The following WASHC2A variants were observed in gnomAD, a reference collection of about 807,000 sequenced individuals.
WASHC2A encodes the protein WASH complex subunit FAM21A.
A neutral mutation model predicts 140.3 loss-of-function variants in WASHC2A; 82 were observed. That is an observed-to-expected ratio of 0.58 (90% CI 0.49 to 0.70). The LOEUF is 0.70. Ranked by LOEUF, WASHC2A falls within the 30% of genes least tolerant of loss-of-function variation. WASHC2A has a pLI of 0.00. For synonymous variants in WASHC2A, 340 were observed against 560.8 expected (o/e 0.61, Z 5.56); for missense variants, 985 against 1,521.8 (o/e 0.65, Z 5.87).
At chr10:50,131,974 T>C (rs1844015165) in intron 30 of WASHC2A, among the ~76,000 whole-genome samples, 1 of 152,274 alleles carries the variant, frequency 6.6e-6, no homozygotes, top group South Asian at 2.1e-4. Flanking sequence ...CACAGTGATA[T>C]TAATATATGT....
At position 50,069,638 on chromosome 10, in the gene WASHC2A, A is replaced by G. The variant is rs1837617344; in HGVS notation, c.218A>G (p.Lys73Arg). 1.9e-6 allele frequency: 3 copies of G among 1,613,990 alleles called. No homozygotes were observed. Among genetic ancestry groups the G allele is most frequent in the Non-Finnish European group, 2.5e-6 (3 of 1,179,862 alleles). ...KQVDGLIRET[K>R]ATDCRLHNVF... ...GTGGACGGACTAATTCGGGAAACCA[A>G]AGCCACAGATTGTCGCCTGCATAAT... The change falls in exon 3 of 31, where the codon AAA (lysine) becomes AGA (arginine). Residue 73 changes from lysine to arginine, a missense_variant. Lys to Arg is a conservative substitution (Grantham distance 26). Transcript: ENST00000282633.
chr10:50,126,966 C>T lies in WASHC2A; in HGVS notation c.2812-194C>T, dbSNP rs1484409434. ...ATCTGATCTGGCAGCTTTCCACTTA[C>T]GTGACAGAGGAGGAGGCATACGTGA... On this transcript the variant is annotated intron_variant, in intron 26 of 30. Transcript: ENST00000282633. Among the ~76,000 whole-genome samples, 208 of 151,924 alleles carry T rather than the reference C, an allele frequency of 1.4e-3. 1 individual carries two copies. The highest frequency in any genetic ancestry group is 1.8e-3 in the Admixed American group (27 of 15,246).
intron 19 of WASHC2A, among the ~76,000 whole-genome samples, chr10:50,109,067 C>G (rs1842039100): frequency 6.6e-6 from 1 of 151,490 alleles, no homozygotes; most frequent in Non-Finnish European, 1.5e-5. Context: ...CTCAAACCTT[C>G]ATGTTTAGGA....
intron 10 of WASHC2A, 140 bp downstream of exon 10, chr10:50,091,658 T>C (rs1839940516): frequency 2.0e-6 from 2 of 993,162 alleles, no homozygotes; most frequent in African/African-American, 3.3e-5. Context: ...ATTTAAATTG[T>C]AGCGCTTATT....
At chr10:50,086,190 G>C (rs1401033825) in intron 7 of WASHC2A, among the ~76,000 whole-genome samples, 1 of 151,492 alleles carries the variant, frequency 6.6e-6, no homozygotes, top group African/African-American at 2.4e-5. Context: ...ACAGTGTTGT[G>C]TATGTGCTTT....
intron 8 of WASHC2A, among the ~76,000 whole-genome samples, chr10:50,088,542 G>A (rs1554881735): frequency 1.3e-5 from 2 of 151,730 alleles, no homozygotes; most frequent in Admixed American, 6.6e-5. Context: ...TTACAGGTAT[G>A]AGCCACCACG....
At chr10:50,104,608 C>G (rs1450292649) in intron 18 of WASHC2A, among the ~76,000 whole-genome samples, 1 of 152,090 alleles carries the variant, frequency 6.6e-6, no homozygotes, top group African/African-American at 2.4e-5. Context: ...CCGCCTGCCT[C>G]GGCCTCCCTA....
intron 30 of WASHC2A, among the ~76,000 whole-genome samples, chr10:50,132,516 G>C (rs1389313549): frequency 6.6e-6 from 1 of 152,254 alleles, no homozygotes; most frequent in African/African-American, 2.4e-5. Flanking sequence ...AGGGGCGTGG[G>C]CTGGTTTGGA....
chr10:50,125,547 T>C, intron 25 of WASHC2A, 98 bp downstream of exon 25: 1 of 1,608,148 alleles, frequency 6.2e-7, no homozygotes, highest in Non-Finnish European at 8.5e-7. Flanking sequence ...CCTAGGAGAG[T>C]CGTGCTGCTT....
At position 50,097,819 on chromosome 10, in the gene WASHC2A, A is replaced by C. The variant is rs1840634221; in HGVS notation, c.1548+17A>C. The C allele has an allele frequency of 1.9e-6, 3 of 1,611,188 alleles. No homozygotes were observed. In the Admixed American group the frequency reaches 5.0e-5, roughly 27 times the overall value. On this transcript the variant is annotated intron_variant, in intron 16 of 30. Coordinates refer to ENST00000282633, the MANE Select transcript of WASHC2A (RefSeq NM_001005751.3). ...GAAAAAAAGGTGAGCAGGAGGGAAG[A>C]CTTAACGCAGGAGCATTGATCTGCC...
chr10:50,102,572 G>A (rs1589229334), intron 17 of WASHC2A, among the ~76,000 whole-genome samples: 1 of 151,564 alleles, frequency 6.6e-6, no homozygotes, highest in Non-Finnish European at 1.5e-5. Context: ...ATGGGACTCC[G>A]GGGAGCACAG....
At chr10:50,125,913 G>A (rs1306261935) in intron 25 of WASHC2A, 144 bp from the exon 26 acceptor site, 3 of 929,272 alleles carry the variant, frequency 3.2e-6, no homozygotes, top group Non-Finnish European at 3.2e-6. Flanking sequence ...TGCTATTTCT[G>A]AAATGCTACC....
chr10:50,114,480 T>TA (rs545033394), intron 21 of WASHC2A, among the ~76,000 whole-genome samples: 75 of 108,356 alleles, frequency 6.9e-4, no homozygotes, highest in African/African-American at 1.6e-3. Flanking sequence ...TATACAGTGG[T>TA]AAAAAAAACC....
intron 13 of WASHC2A, 81 bp from the exon 14 acceptor site, chr10:50,095,067 C>T (rs1840339950): frequency 3.1e-6 from 5 of 1,603,826 alleles, no homozygotes; most frequent in South Asian, 2.2e-5. Context: ...CTGTGTTTTA[C>T]ATCGCACGTA....
At chr10:50,092,371 C>T (rs1554883119) in intron 11 of WASHC2A, 138 bp downstream of exon 11, 1 of 1,527,494 alleles carries the variant, frequency 6.5e-7, no homozygotes, top group Non-Finnish European at 8.8e-7. Flanking sequence ...TTTCTAAAGC[C>T]TCTGGGCTGG....
chr10:50,092,756 A>G (rs1355546286), intron 11 of WASHC2A, among the ~76,000 whole-genome samples: 2 of 151,866 alleles, frequency 1.3e-5, no homozygotes, highest in Non-Finnish European at 2.9e-5. Context: ...ATTAGATTTT[A>G]CAGCAATCAT....
At chr10:50,131,999 A>G (rs999048780) in intron 30 of WASHC2A, among the ~76,000 whole-genome samples, 1 of 152,254 alleles carries the variant, frequency 6.6e-6, no homozygotes, top group African/African-American at 2.4e-5. Flanking sequence ...GTACACATCA[A>G]TATATACCCA....
chr10:50,098,418 A>C (rs1190649813), intron 16 of WASHC2A, among the ~76,000 whole-genome samples: 1 of 146,928 alleles, frequency 6.8e-6, no homozygotes, highest in Non-Finnish European at 1.5e-5. Context: ...TGCAATCTAG[A>C]TCCCTCACAT....
At chr10:50,076,223 G>A (rs1737963483) in intron 3 of WASHC2A, among the ~76,000 whole-genome samples, 1 of 152,180 alleles carries the variant, frequency 6.6e-6, no homozygotes, top group African/African-American at 2.4e-5. Context: ...TTACAGGCGT[G>A]AGCCTCCTAA....
Sources: allele counts gnomAD v4.1 joint callset (sites outside exome capture counted in the v4.1 genomes callset), GRCh38; gene constraint gnomAD v4.1.1; transcripts MANE v1.5; gene names NCBI Gene and HGNC (gene_info 2026-07-23, HGNC 2026-07-21).